The following DCLK2 variants were observed in gnomAD, a reference collection of about 807,000 sequenced individuals.
DCLK2 encodes the protein serine/threonine-protein kinase DCLK2.
Under a neutral mutation model 78.4 loss-of-function variants are expected in DCLK2, and 31 were observed. The observed-to-expected ratio is 0.40, with a 90% CI of 0.30 to 0.53. The LOEUF (loss-of-function observed/expected upper bound fraction) is 0.53, where lower values mean the gene tolerates loss of function less well. Among genes scored for constraint, DCLK2 ranks in the 20% least tolerant of loss-of-function variants. The pLI, the probability that DCLK2 is intolerant of heterozygous loss-of-function variation, is 0.61. For synonymous variants in DCLK2, 407 were observed against 374.9 expected (o/e 1.09, Z -0.99); for missense variants, 872 against 973.7 (o/e 0.90, Z 1.39).
At chr4:150,232,589 G>A (rs1424144519) in intron 9 of DCLK2, 93 bp from the exon 10 acceptor site, 12 of 1,530,220 alleles carry the variant, frequency 7.8e-6, no homozygotes, top group Non-Finnish European at 9.8e-6. Flanking sequence ...TGGCACTTGT[G>A]TCATTCTCTG....
chr4:150,090,180 C>A, intron 1 of DCLK2, among the ~76,000 whole-genome samples: 1 of 152,184 alleles, frequency 6.6e-6, no homozygotes, highest in Non-Finnish European at 1.5e-5. Context: ...CCGAGGCAGG[C>A]GGATCACCTG....
chr4:150,184,636 C>G (rs1426967656), intron 2 of DCLK2, among the ~76,000 whole-genome samples: 1 of 147,744 alleles, frequency 6.8e-6, no homozygotes, highest in Non-Finnish European at 1.5e-5. Context: ...GAGTCTCACT[C>G]TGTCGCCCAG....
intron 2 of DCLK2, among the ~76,000 whole-genome samples, chr4:150,185,918 C>G (rs61064664): frequency 0.062 from 9,477 of 152,116 alleles, 950 homozygotes; most frequent in African/African-American, 0.21. Context: ...TTTTTAAAGT[C>G]GCCCTCATTC....
At chr4:150,121,126 A>G (rs1285278947) in intron 2 of DCLK2, among the ~76,000 whole-genome samples, 1 of 152,094 alleles carries the variant, frequency 6.6e-6, no homozygotes, top group Admixed American at 6.6e-5. Flanking sequence ...TTTTGCTGGT[A>G]TAGGGTCTTG....
chr4:150,108,664 A>C (rs1035046456), intron 2 of DCLK2, among the ~76,000 whole-genome samples: 2 of 152,232 alleles, frequency 1.3e-5, no homozygotes, highest in African/African-American at 2.4e-5. Context: ...TGACATTCTC[A>C]TAATAAAATA....
rs1207700983 is a variant in DCLK2 at position 150,078,533 on chromosome 4, CT to C, written c.-494del. Reference sequence around the variant, plus strand: ...GAGGCGGCGGCGCTGCACCCCGGGCCTGGGCCCGCGCGACTCCCCCGGGGGC... The same window carrying C: ...GAGGCGGCGGCGCTGCACCCCGGGCCGGGCCCGCGCGACTCCCCCGGGGGC... On this transcript the variant is annotated 5_prime_UTR_variant, in exon 1 of 16. Transcript: ENST00000296550. 6.6e-6 allele frequency: 1 copy of C among 150,906 alleles called. No individual in the cohort carries two copies. The highest frequency in any genetic ancestry group is 1.9e-4 in the East Asian group (1 of 5,140). The allele number at this position is 150,906 out of a possible 1,614,324, so 9.3% of individuals were successfully genotyped here.
At position 150,099,345 on chromosome 4, in the gene DCLK2, C is replaced by T. The variant is rs549026185; in HGVS notation, c.422-3133C>T. 3.9e-4 allele frequency among the ~76,000 whole-genome samples: 60 copies of T among 152,352 alleles called. 1 individual carries two copies. Among genetic ancestry groups the T allele is most frequent in the African/African-American group, 1.3e-3 (55 of 41,594 alleles). On this transcript the variant is annotated intron_variant, in intron 1 of 15. Coordinates refer to ENST00000296550, the MANE Select transcript of DCLK2 (RefSeq NM_001040260.4). ...AAGGGCTGGGATTACAGGCATGGGC[C>T]GTTGCACTCAACCTGATGGATTAAC...
chr4:150,107,378 G>GTTTTTTTTTTTTT (rs201080236), intron 2 of DCLK2, among the ~76,000 whole-genome samples: 1 of 125,180 alleles, frequency 8.0e-6, no homozygotes, highest in African/African-American at 3.2e-5. Context: ...TTTGGTTATT[G>GTTTTTTTTTTTTT]TTTTTTTTTT....
intron 2 of DCLK2, among the ~76,000 whole-genome samples, chr4:150,164,491 C>T (rs554413189): frequency 1.3e-5 from 2 of 152,264 alleles, no homozygotes; most frequent in East Asian, 3.9e-4. Context: ...TAGCTAAGTA[C>T]ATATATTGTT....
chr4:150,106,134 C>T (rs1219493213), intron 2 of DCLK2, among the ~76,000 whole-genome samples: 1 of 151,288 alleles, frequency 6.6e-6, no homozygotes, highest in Non-Finnish European at 1.5e-5. Flanking sequence ...TTTTGATAAA[C>T]ACAACATTGG....
chr4:150,177,600 G>A (rs973747016), intron 2 of DCLK2, among the ~76,000 whole-genome samples: 2 of 152,166 alleles, frequency 1.3e-5, no homozygotes, highest in Non-Finnish European at 2.9e-5. Context: ...TTTATGAAAA[G>A]TAATGATATT....
chr4:150,113,002 A>G (rs538527891), intron 2 of DCLK2, among the ~76,000 whole-genome samples: 3 of 151,558 alleles, frequency 2.0e-5, no homozygotes, highest in Non-Finnish European at 4.4e-5. Context: ...GTAGAGACAG[A>G]GTTTTGTCAT....
At chr4:150,224,396 C>T in intron 7 of DCLK2, 105 bp from the exon 8 acceptor site, 1 of 987,044 alleles carries the variant, frequency 1.0e-6, no homozygotes, top group East Asian at 2.7e-5. Context: ...AATGAGATCT[C>T]ATCTCTACAA....
chr4:150,161,664 C>G (rs1267494819), intron 2 of DCLK2, among the ~76,000 whole-genome samples: 1 of 152,136 alleles, frequency 6.6e-6, no homozygotes, highest in African/African-American at 2.4e-5. Context: ...GAAAAGTATG[C>G]ACAGATGCAC....
At chr4:150,160,269 C>T (rs893345346) in intron 2 of DCLK2, among the ~76,000 whole-genome samples, 7 of 152,160 alleles carry the variant, frequency 4.6e-5, no homozygotes, top group African/African-American at 7.2e-5. Flanking sequence ...CCACCTGCCT[C>T]GGCCTCCCAG....
At chr4:150,167,032 C>A in intron 2 of DCLK2, among the ~76,000 whole-genome samples, 1 of 152,046 alleles carries the variant, frequency 6.6e-6, no homozygotes, top group East Asian at 1.9e-4. Context: ...CATTGGGAGG[C>A]ACTTACTGGG....
intron 2 of DCLK2, among the ~76,000 whole-genome samples, chr4:150,184,023 C>T (rs1421544262): frequency 6.6e-6 from 1 of 152,148 alleles, no homozygotes; most frequent in Non-Finnish European, 1.5e-5. Context: ...CGTGAGCCAC[C>T]ACACCCAGCC....
chr4:150,153,145 A>G (rs1242401883), intron 2 of DCLK2, among the ~76,000 whole-genome samples: 1 of 152,186 alleles, frequency 6.6e-6, no homozygotes, highest in Non-Finnish European at 1.5e-5. Flanking sequence ...GTGGGCCACC[A>G]TTGAAGGATC....
At chr4:150,120,836 A>G (rs1732476305) in intron 2 of DCLK2, among the ~76,000 whole-genome samples, 1 of 152,186 alleles carries the variant, frequency 6.6e-6, no homozygotes, top group Admixed American at 6.5e-5. Context: ...TGGGAGGTCA[A>G]GGCAGGCAGA....
Sources: allele counts gnomAD v4.1 joint callset (sites outside exome capture counted in the v4.1 genomes callset), GRCh38; gene constraint gnomAD v4.1.1; transcripts MANE v1.5; gene names NCBI Gene and HGNC (gene_info 2026-07-23, HGNC 2026-07-21).